Variants in LDHC observed in about 807,000 individuals in gnomAD.
The protein encoded by LDHC is L-lactate dehydrogenase C chain.
LDHC carries 20 observed loss-of-function variants against 30.2 expected under a neutral mutation model. The ratio of observed to expected loss-of-function variants is 0.66; its 90% CI spans 0.47 to 0.96. The LOEUF is 0.96. LDHC is among the 40% of genes least tolerant of loss of function. The pLI is 0.00. For missense variants in LDHC, 362 were observed against 394.9 expected (o/e 0.92, Z 0.71); for synonymous variants, 139 against 132.7 (o/e 1.05, Z -0.32).
At chr11:18,422,059 G>T (rs892131229) in intron 3 of LDHC, among the ~76,000 whole-genome samples, 2 of 151,852 alleles carry the variant, frequency 1.3e-5, no homozygotes, top group African/African-American at 4.9e-5. Context: ...GGCAGGTGGA[G>T]GTTGCAGTGA....
In LDHC at chr11:18,429,800, G is replaced by A; in HGVS notation, c.308G>A (p.Gly103Glu). 6.2e-7 allele frequency: 1 copy of A among 1,612,514 alleles called. No homozygotes were observed. Among genetic ancestry groups the A allele is most frequent in the Non-Finnish European group, 8.5e-7 (1 of 1,178,598 alleles). Residue 103 changes from glycine to glutamate, a missense_variant, in exon 4 of 8, where the codon GGA becomes GAA. Coordinates refer to ENST00000541669, the MANE Select transcript of LDHC (RefSeq NM_017448.5). ...ACAGCAGGTGCAAGGCAGCAGGAGGGAGAAACTCGCCTTGCCCTGGTCCAA... is the reference window on the plus strand; with the variant it reads ...ACAGCAGGTGCAAGGCAGCAGGAGGAAGAAACTCGCCTTGCCCTGGTCCAA... ...IVTAGARQQE[G>E]ETRLALVQRN... is the part of the protein sequence containing the mutation.
chr11:18,429,102 C>CTT (rs141040785), intron 3 of LDHC, among the ~76,000 whole-genome samples: 21,960 of 139,704 alleles, frequency 0.16, 1,900 homozygotes, highest in African/African-American at 0.23. Context: ...AGTTCTAAGT[C>CTT]TATTCATTTT....
At chr11:18,437,879 A>G (rs542952768) in intron 5 of LDHC, among the ~76,000 whole-genome samples, 13 of 152,134 alleles carry the variant, frequency 8.5e-5, no homozygotes, top group African/African-American at 2.9e-4. Context: ...AGCCTGGCCA[A>G]CATAGCGAAA....
chr11:18,420,846 AAAT>A (rs1848030227), intron 3 of LDHC, among the ~76,000 whole-genome samples: 1 of 152,046 alleles, frequency 6.6e-6, no homozygotes, highest in South Asian at 2.1e-4. Flanking sequence ...AAATCTAAAT[AAAT>A]ATCAATTGTA....
chr11:18,414,093 T>C (rs1383410371), intron 2 of LDHC, among the ~76,000 whole-genome samples: 2 of 152,212 alleles, frequency 1.3e-5, no homozygotes, highest in Non-Finnish European at 2.9e-5. Context: ...TAGATTCTTG[T>C]TTTTTCTCCA....
intron 3 of LDHC, among the ~76,000 whole-genome samples, chr11:18,424,834 C>G (rs900307044): frequency 5.3e-5 from 8 of 152,126 alleles, no homozygotes; most frequent in African/African-American, 1.7e-4. Flanking sequence ...ATGGCGAAAC[C>G]CTGTCTCTAC....
At chr11:18,432,511 T>C (rs1245339840) in intron 4 of LDHC, among the ~76,000 whole-genome samples, 6 of 152,226 alleles carry the variant, frequency 3.9e-5, no homozygotes, top group Non-Finnish European at 8.8e-5. Flanking sequence ...ATTCACTGTT[T>C]CTTTGTTGAC....
chr11:18,427,676 GAT>G (rs1491439918), intron 3 of LDHC, among the ~76,000 whole-genome samples: 2 of 98,592 alleles, frequency 2.0e-5, no homozygotes, highest in Non-Finnish European at 3.7e-5. Context: ...TTTGGAGCCA[GAT>G]TTTTTTTTTT....
chr11:18,438,520 T>G lies in LDHC; in HGVS notation c.593-8T>G, dbSNP rs1462219025. 1.9e-6 allele frequency: 3 copies of G among 1,564,034 alleles called. No individual in the cohort carries two copies. The Admixed American group carries it at 5.0e-5, about 26-fold the overall frequency. ...AGAAGAGTTTATTTTGAGATCTGTA[T>G]TTTTTAGTGCCCTTATGGAGTGGGG... On this transcript the variant is annotated splice_region_variant and splice_polypyrimidine_tract_variant and intron_variant, in intron 5 of 7. Coordinates refer to ENST00000541669, the MANE Select transcript of LDHC (RefSeq NM_017448.5).
chr11:18,442,828 AG>A (rs1565057276), intron 6 of LDHC, among the ~76,000 whole-genome samples: 1 of 151,900 alleles, frequency 6.6e-6, no homozygotes, highest in African/African-American at 2.4e-5. Context: ...ACACCTGGCT[AG>A]TTTTTATATT....
chr11:18,440,651 G>A (rs1848448412), intron 6 of LDHC, among the ~76,000 whole-genome samples: 1 of 152,140 alleles, frequency 6.6e-6, no homozygotes, highest in African/African-American at 2.4e-5. Context: ...AGTTAAGGCT[G>A]GGTGCAGTGG....
At chr11:18,413,233 C>G (rs1259146238) in intron 2 of LDHC, among the ~76,000 whole-genome samples, 1 of 151,700 alleles carries the variant, frequency 6.6e-6, no homozygotes, top group Non-Finnish European at 1.5e-5. Context: ...AGGCATGCAC[C>G]ACCAGGCCTG....
intron 7 of LDHC, among the ~76,000 whole-genome samples, chr11:18,447,822 G>A (rs112656377): frequency 0.15 from 22,407 of 152,046 alleles, 1,818 homozygotes; most frequent in Middle Eastern, 0.21. Context: ...GGCTGAGGCC[G>A]GTGGATCACT....
intron 3 of LDHC, among the ~76,000 whole-genome samples, chr11:18,418,374 T>A (rs1000518195): frequency 1.3e-5 from 2 of 150,222 alleles, no homozygotes; most frequent in Non-Finnish European, 3.0e-5. Context: ...ATGTTTTGTA[T>A]CAGTTAATTT....
At chr11:18,421,357 A>T (rs1186886416) in intron 3 of LDHC, among the ~76,000 whole-genome samples, 11 of 151,974 alleles carry the variant, frequency 7.2e-5, no homozygotes, top group Admixed American at 3.3e-4. Context: ...GGCTGGCCTC[A>T]AATTTTTAAA....
chr11:18,430,203 T>A (rs912695349), intron 4 of LDHC, among the ~76,000 whole-genome samples: 2 of 152,220 alleles, frequency 1.3e-5, no homozygotes, highest in African/African-American at 4.8e-5. Context: ...ATGCTGAATG[T>A]AATTTTTTCT....
Position 18,412,743 on chromosome 11 carries a change from T to G in LDHC, c.26T>G (p.Ile9Ser). ...ATGTCAACTGTCAAGGAGCAGCTAA[T>G]TGAGAAGCTAATTGAGGATGATGAA... MSTVKEQL[I>S]EKLIEDDENS... The change falls in exon 2 of 8, where the codon ATT becomes AGT. Residue 9 changes from isoleucine (I) to serine (S), a missense_variant. Transcript: ENST00000541669. 6.2e-7 allele frequency: 1 copy of G among 1,613,950 alleles called. No individual in the cohort carries two copies.
chr11:18,441,092 T>C (rs888139174), intron 6 of LDHC, among the ~76,000 whole-genome samples: 1 of 151,410 alleles, frequency 6.6e-6, no homozygotes, highest in Non-Finnish European at 1.5e-5. Context: ...TCCACTGCAT[T>C]CCAACCTGGG....
chr11:18,437,489 A>G (rs763717653), intron 5 of LDHC, among the ~76,000 whole-genome samples: 1 of 151,904 alleles, frequency 6.6e-6, no homozygotes, highest in Admixed American at 6.6e-5. Context: ...ACGGTGGCTC[A>G]CGCCTATAAT....
Sources: allele counts gnomAD v4.1 joint callset (sites outside exome capture counted in the v4.1 genomes callset), GRCh38; gene constraint gnomAD v4.1.1; transcripts MANE v1.5; gene names NCBI Gene and HGNC (gene_info 2026-07-23, HGNC 2026-07-21).